The following WDR25 variants were observed in gnomAD, a reference collection of about 807,000 sequenced individuals.
The protein encoded by WDR25 is WD repeat domain 25.
Under a neutral mutation model 47.7 loss-of-function variants are expected in WDR25, and 35 were observed. The observed-to-expected ratio is 0.73, with a 90% CI of 0.56 to 0.97. WDR25 has a LOEUF of 0.97. WDR25 is among the 50% of genes least tolerant of loss of function. WDR25 has a pLI of 0.00. For missense variants in WDR25, 634 were observed against 704.7 expected (o/e 0.90, Z 1.14); for synonymous variants, 248 against 278.9 (o/e 0.89, Z 1.10).
At chr14:100,518,808 C>T (rs891256055) in intron 4 of WDR25, among the ~76,000 whole-genome samples, 1 of 151,672 alleles carries the variant, frequency 6.6e-6, no homozygotes, top group Non-Finnish European at 1.5e-5. Context: ...GCAGAAGAAT[C>T]GCTTGAACCT....
In WDR25 at chr14:100,529,213, T is replaced by C. The variant is rs1221794422; in HGVS notation, c.1413+5T>C. ...CGGCGCTATGAAGGGCACAAGGTACTTCTGTCCTTGTCCCCCAGGCGAATG... is the reference window on the plus strand; with the variant it reads ...CGGCGCTATGAAGGGCACAAGGTACCTCTGTCCTTGTCCCCCAGGCGAATG... On this transcript the variant is annotated splice_donor_5th_base_variant and intron_variant, in intron 6 of 6. Transcript: ENST00000402312. This position sits in a 1 kb window ranked among gnomAD's most constrained non-coding sequence, Gnocchi z 5.1. The C allele has an allele frequency of 6.2e-7, 1 of 1,613,126 alleles. No homozygotes were observed. Among genetic ancestry groups the C allele is most frequent in the Non-Finnish European group, 8.5e-7 (1 of 1,179,772 alleles).
chr14:100,409,448 C>T (rs545439789), intron 2 of WDR25, among the ~76,000 whole-genome samples: 34 of 137,812 alleles, frequency 2.5e-4, no homozygotes, highest in Non-Finnish European at 4.2e-4. Flanking sequence ...GGAAGCTGAT[C>T]GAGGGTCTTT....
chr14:100,514,515 T>C (rs902346600), intron 4 of WDR25, among the ~76,000 whole-genome samples: 4 of 152,158 alleles, frequency 2.6e-5, no homozygotes, highest in African/African-American at 9.7e-5. Flanking sequence ...ATCTTTTTTG[T>C]TGCTTTATCA....
intron 2 of WDR25, among the ~76,000 whole-genome samples, chr14:100,385,811 A>T (rs1897005980): frequency 1.3e-5 from 2 of 152,098 alleles, no homozygotes; most frequent in South Asian, 4.2e-4. Context: ...GTGTTTGAAC[A>T]CCCACTGCAC....
intron 4 of WDR25, among the ~76,000 whole-genome samples, chr14:100,491,056 A>G (rs192306913): frequency 1.3e-5 from 2 of 152,220 alleles, no homozygotes; most frequent in East Asian, 1.9e-4. Context: ...TCAACTGGGG[A>G]CGTGGTGGAG....
At chr14:100,526,663 C>T (rs371947363) in intron 5 of WDR25, among the ~76,000 whole-genome samples, 3 of 150,110 alleles carry the variant, frequency 2.0e-5, no homozygotes, top group African/African-American at 7.4e-5. Context: ...ATCAACATCA[C>T]TACCACCACC....
chr14:100,482,119 G>A (rs894327196), intron 3 of WDR25, among the ~76,000 whole-genome samples: 1 of 151,946 alleles, frequency 6.6e-6, no homozygotes, highest in African/African-American at 2.4e-5. Flanking sequence ...CTCCCATGTG[G>A]CCAGTGGTGA....
chr14:100,529,383 T>A lies in WDR25; in HGVS notation c.1413+175T>A. ...TGTCTCTTCAAGTCCCTGAACCACA[T>A]CTGGTCCTCACCCCAGGCCCCACGT... On this transcript the variant is annotated intron_variant, in intron 6 of 6. Transcript: ENST00000402312. The surrounding 1 kb of genome is among the most constrained non-coding windows in gnomAD (Gnocchi z 5.1). 1 of 972,774 alleles carries A rather than the reference T, an allele frequency of 1.0e-6. No individual in the cohort carries two copies. Among genetic ancestry groups the A allele is most frequent in the Non-Finnish European group, 1.5e-6 (1 of 666,488 alleles). 60.3% of individuals were successfully genotyped at this position (972,774 alleles called of 1,614,324 possible).
chr14:100,391,355 G>A (rs988375857), intron 2 of WDR25, among the ~76,000 whole-genome samples: 1 of 152,136 alleles, frequency 6.6e-6, no homozygotes, highest in Non-Finnish European at 1.5e-5. Flanking sequence ...GCCAGGGATC[G>A]ATGGGCATAT....
intron 2 of WDR25, among the ~76,000 whole-genome samples, chr14:100,423,201 C>A (rs1333614710): frequency 6.6e-6 from 1 of 152,194 alleles, no homozygotes; most frequent in Non-Finnish European, 1.5e-5. Context: ...ATGTGTCTCT[C>A]TTCCAGCTCT....
intron 1 of WDR25, among the ~76,000 whole-genome samples, chr14:100,379,577 G>A (rs1160833769): frequency 1.3e-5 from 2 of 151,592 alleles, no homozygotes; most frequent in South Asian, 2.1e-4. Context: ...TAGTAGAGAC[G>A]GGGCTTTGCC....
At chr14:100,377,622 C>G (rs1896745161) in intron 1 of WDR25, among the ~76,000 whole-genome samples, 1 of 150,524 alleles carries the variant, frequency 6.6e-6, no homozygotes, top group South Asian at 2.2e-4. Flanking sequence ...TTTATTTAAA[C>G]TCTGGCTTTG....
At chr14:100,429,351 G>A (rs547562934) in intron 2 of WDR25, among the ~76,000 whole-genome samples, 1 of 152,318 alleles carries the variant, frequency 6.6e-6, no homozygotes, top group African/African-American at 2.4e-5. Flanking sequence ...CTATAAGCAG[G>A]CATGCAGGAC....
In WDR25 at chr14:100,376,499, C is replaced by T; in HGVS notation, c.-16+4C>T. The T allele has an allele frequency of 2.4e-6, 3 of 1,231,740 alleles. No homozygotes were observed. The highest frequency in any genetic ancestry group is 3.0e-6 in the Non-Finnish European group (3 of 988,018). 76.3% of individuals were successfully genotyped at this position (1,231,740 alleles called of 1,614,324 possible). A position where few individuals can be genotyped will look rare whatever the true frequency, so the allele number is the denominator to read the frequency against. ...CCGGGAGAACCGAGCGCTTCCGGTG[C>T]GTGTGGTGAGCGGCGGGCCCCGGGC... On this transcript the variant is annotated splice_donor_region_variant and intron_variant, in intron 1 of 6. Transcript: ENST00000402312.
intron 2 of WDR25, among the ~76,000 whole-genome samples, chr14:100,429,810 T>TG (rs1290523935): frequency 6.6e-6 from 1 of 151,052 alleles, no homozygotes; most frequent in Admixed American, 6.6e-5. Flanking sequence ...GCTGCTGGGG[T>TG]GGGGCGGTGG....
chr14:100,387,882 T>C (rs1383210884), intron 2 of WDR25, among the ~76,000 whole-genome samples: 4 of 152,252 alleles, frequency 2.6e-5, no homozygotes, highest in Non-Finnish European at 5.9e-5. Flanking sequence ...AGAGAAGAGA[T>C]GATTTCTGGG....
At position 100,523,862 on chromosome 14, in the gene WDR25, G is replaced by A. The variant is rs558719895; in HGVS notation, c.1102-2008G>A. On this transcript the variant is annotated intron_variant, in intron 4 of 6. Coordinates refer to ENST00000402312, the MANE Select transcript of WDR25 (RefSeq NM_001161476.3). This position sits in a 1 kb window ranked among gnomAD's most constrained non-coding sequence, Gnocchi z 4.7. ...CAGCTCGTTAGGCTCGGGTAGCAGC[G>A]TCCCATGCCAGCTGTTGGTGTAATT... Among the ~76,000 whole-genome samples, 69 of 152,236 alleles carry A rather than the reference G, an allele frequency of 4.5e-4. 1 individual carries two copies. In the South Asian group the frequency reaches 0.012, roughly 27 times the overall value.
At chr14:100,459,902 A>ATGTG (rs1566920232) in intron 2 of WDR25, among the ~76,000 whole-genome samples, 15 of 38,766 alleles carry the variant, frequency 3.9e-4, no homozygotes, top group African/African-American at 1.4e-3. Flanking sequence ...GTGTATATAT[A>ATGTG]TATATATATA....
Position 100,381,262 on chromosome 14 carries a change from C to T in WDR25, c.338C>T (p.Ser113Phe), listed in dbSNP as rs751816133. Residue 113 changes from serine (S) to phenylalanine (F), a missense_variant, in exon 2 of 7, where the codon TCT (serine) becomes TTT (phenylalanine). Transcript: ENST00000402312. ...GTCACCTTCCCCATCAAAGAGCCTT[C>T]TTGTTCTTCTCTGTGGACGAGCCAT... ...PQVTFPIKEP[S>F]CSSLWTSHVP... 4.3e-6 allele frequency: 7 copies of T among 1,613,998 alleles called. No individual in the cohort carries two copies. In the Admixed American group the frequency reaches 1.0e-4, roughly 23 times the overall value.
Sources: allele counts gnomAD v4.1 joint callset (sites outside exome capture counted in the v4.1 genomes callset), GRCh38; gene constraint gnomAD v4.1.1; non-coding constraint Gnocchi (gnomAD v3.1); transcripts MANE v1.5; gene names NCBI Gene and HGNC (gene_info 2026-07-23, HGNC 2026-07-21).